AMT: variants seen among roughly 807,000 people sequenced by gnomAD.
The protein encoded by AMT is aminomethyltransferase, mitochondrial.
A neutral mutation model predicts 39.5 loss-of-function variants in AMT; 24 were observed. The ratio of observed to expected loss-of-function variants is 0.61; its 90% CI spans 0.44 to 0.86. The LOEUF (loss-of-function observed/expected upper bound fraction) is 0.86, where lower values mean the gene tolerates loss of function less well. AMT is among the 40% of genes least tolerant of loss of function. The pLI, the probability that AMT is intolerant of heterozygous loss-of-function variation, is 0.00. For synonymous variants in AMT, 210 were observed against 212.1 expected (o/e 0.99, Z 0.09); for missense variants, 501 against 537.0 (o/e 0.93, Z 0.66).
At chr3:49,420,184 G>C in intron 4 of AMT, 27 bp downstream of exon 4, 2 of 1,614,010 alleles carry the variant, frequency 1.2e-6, no homozygotes, top group Non-Finnish European at 1.7e-6. Context: ...AGGAAGACAA[G>C]GTGTCTAGAA....
Position 49,419,784 on chromosome 3 carries a change from T to C in AMT, c.476A>G (p.Lys159Arg), listed in dbSNP as rs1553638556. 1.9e-6 allele frequency: 3 copies of C among 1,613,952 alleles called. No homozygotes were observed. In the Admixed American group the frequency reaches 5.0e-5, roughly 27 times the overall value. ...WEKDLALMQD[K>R]VRELQNQGRD... ...GCCCTGGTTCTGAAGCTCCCTGACC[T>C]TGTCCTAAAAGACAGAAACACAAGA... The change falls in exon 5 of 9, where the codon AAG becomes AGG. Residue 159 changes from lysine to arginine, a missense_variant. Lys to Arg is a conservative substitution (Grantham distance 26). Transcript: ENST00000273588.
At chr3:49,419,182 G>A in intron 6 of AMT, 31 bp from the exon 7 acceptor site, 3 of 1,613,210 alleles carry the variant, frequency 1.9e-6, no homozygotes, top group Non-Finnish European at 2.5e-6. Context: ...CAGATGGGAA[G>A]CTCCCTGTAC....
In AMT at chr3:49,416,862, G is replaced by C. The variant is rs779703869; in HGVS notation, c.*678C>G. On this transcript the variant is annotated 3_prime_UTR_variant, in exon 9 of 9. Coordinates refer to ENST00000273588, the MANE Select transcript of AMT (RefSeq NM_000481.4). The stretch of plus-strand genomic sequence containing the variant: ...TACCAGGGGCAAAGATCAGCCCAGG[G>C]TAAGGCAAGTCTGGGAGGAAGCCCA... The C allele has an allele frequency of 7.7e-4, 352 of 456,436 alleles. No homozygotes were observed. Among genetic ancestry groups the C allele is most frequent in the Non-Finnish European group, 1.2e-3 (283 of 228,514 alleles). 28.3% of individuals were successfully genotyped at this position (456,436 alleles called of 1,614,324 possible). A position where few individuals can be genotyped will look rare whatever the true frequency, so the allele number is the denominator to read the frequency against.
In AMT at chr3:49,418,494, C is replaced by CTTT. The variant is rs3049036; in HGVS notation, c.877+474_877+476dup. 176 of 64,636 alleles carry CTTT rather than the reference C, an allele frequency of 2.7e-3. 24 individuals carry two copies. Among genetic ancestry groups the CTTT allele is most frequent in the South Asian group, 0.011 (20 of 1,826 alleles). The allele number at this position is 64,636 out of a possible 1,614,324, so 4.0% of individuals were successfully genotyped here. A position where few individuals can be genotyped will look rare whatever the true frequency, so the allele number is the denominator to read the frequency against. Reference sequence around the variant, plus strand: ...CCATGCCCGGCAGCATCTTCAGTTTCTTTTTTTTTTTTTTTTTTTTTTTTG... The same window carrying CTTT: ...CCATGCCCGGCAGCATCTTCAGTTTCTTTTTTTTTTTTTTTTTTTTTTTTTTTG... On this transcript the variant is annotated intron_variant, in intron 7 of 8. Coordinates refer to ENST00000273588, the MANE Select transcript of AMT (RefSeq NM_000481.4).
At position 49,420,437 on chromosome 3, in the gene AMT, G is replaced by T. The variant is rs1459576015; in HGVS notation, c.340-95C>A. The stretch of plus-strand genomic sequence containing the variant: ...CCCTGGACCCACTTAGTTACCAAAA[G>T]GTTATGAACCCTAATGTGAAGGACT... On this transcript the variant is annotated intron_variant, in intron 3 of 8. Coordinates refer to ENST00000273588, the MANE Select transcript of AMT (RefSeq NM_000481.4). 7 of 1,584,982 alleles carry T rather than the reference G, an allele frequency of 4.4e-6. No homozygotes were observed. The East Asian group carries it at 1.6e-4, about 35-fold the overall frequency.
intron 4 of AMT, 126 bp downstream of exon 4, chr3:49,420,085 T>A (rs2049073388): frequency 7.8e-7 from 1 of 1,281,038 alleles, no homozygotes; most frequent in Non-Finnish European, 1.1e-6. Flanking sequence ...TTGAGTCTCA[T>A]AGCTGTTCAT....
chr3:49,418,187 CT>C (rs71080510), intron 7 of AMT: 78,984 of 455,246 alleles, frequency 0.17, no homozygotes, highest in South Asian at 0.25. Flanking sequence ...TCTTCAGTTT[CT>C]TTTTTTTTTT....
chr3:49,417,731 C>T lies in AMT; in HGVS notation c.1034-13G>A. On this transcript the variant is annotated splice_polypyrimidine_tract_variant and intron_variant, in intron 8 of 8. Transcript: ENST00000273588. ...CTAGTCACAGTACCTGTCAAGCAAG[C>T]ATAAGCCACGCATCAGCACCACCCT... The T allele has an allele frequency of 6.2e-7, 1 of 1,613,942 alleles. No homozygotes were observed. Among genetic ancestry groups the T allele is most frequent in the South Asian group, 1.1e-5 (1 of 91,086 alleles).
intron 3 of AMT, 109 bp from the exon 4 acceptor site, chr3:49,420,451 A>C: frequency 6.5e-7 from 1 of 1,526,796 alleles, no homozygotes. Context: ...ATGAACCCTA[A>C]TGTGAAGGAC....
chr3:49,417,702 G>A lies in AMT; in HGVS notation c.1050C>T (p.Gly350=). 1 of 1,613,994 alleles carries A rather than the reference G, an allele frequency of 6.2e-7. No individual in the cohort carries two copies. Among genetic ancestry groups the A allele is most frequent in the African/African-American group, 1.3e-5 (1 of 75,032 alleles). ...EGTKIGTVTS[G]CPSPSLKKNV... ...TCTTCTTCAGAGAGGGGGAGGGGCA[G>A]CCACTAGTCACAGTACCTGTCAAGC... The change falls in exon 9 of 9, where the codon GGC becomes GGT. Residue 350 remains glycine, a synonymous_variant. Coordinates refer to ENST00000273588, the MANE Select transcript of AMT (RefSeq NM_000481.4).
At position 49,416,788 on chromosome 3, in the gene AMT, G is replaced by A. The variant is rs1222340464; in HGVS notation, c.*752C>T. 4.4e-6 allele frequency: 2 copies of A among 450,602 alleles called. No individual in the cohort carries two copies. Among genetic ancestry groups the A allele is most frequent in the Non-Finnish European group, 4.5e-6 (1 of 223,964 alleles). 27.9% of individuals were successfully genotyped at this position (450,602 alleles called of 1,614,324 possible). Reference sequence around the variant, plus strand: ...AATGAAGCTAGAGACTGGCAAGTAAGAAGGAAGTTTAATTTTTTTTTCAGG... The same window carrying A: ...AATGAAGCTAGAGACTGGCAAGTAAAAAGGAAGTTTAATTTTTTTTTCAGG... On this transcript the variant is annotated 3_prime_UTR_variant, in exon 9 of 9. Coordinates refer to ENST00000273588, the MANE Select transcript of AMT (RefSeq NM_000481.4).
chr3:49,420,047 C>G (rs933282352), intron 4 of AMT, 164 bp downstream of exon 4: 4 of 993,948 alleles, frequency 4.0e-6, no homozygotes, highest in Non-Finnish European at 6.1e-6. Flanking sequence ...ACCACCAAAC[C>G]CTGGCGTGCT....
intron 3 of AMT, chr3:49,420,814 G>A (rs995025711): frequency 6.4e-5 from 14 of 219,608 alleles, no homozygotes; most frequent in Non-Finnish European, 1.2e-4. Context: ...AGGTTGAGGG[G>A]GTCACATGAA....
chr3:49,418,435 C>G (rs1300138029), intron 7 of AMT: 1 of 216,708 alleles, frequency 4.6e-6, no homozygotes, highest in Non-Finnish European at 9.3e-6. Context: ...CCCACCTTGG[C>G]CTCCCAAAGT....
chr3:49,417,786 CAA>C (rs762527539), intron 8 of AMT, 30 bp downstream of exon 8: 1 of 1,614,032 alleles, frequency 6.2e-7, no homozygotes. Context: ...TGGGAAGAGA[CAA>C]GGGTTTCCCA....
intron 7 of AMT, 38 bp downstream of exon 7, chr3:49,418,933 C>T: frequency 6.2e-7 from 1 of 1,609,908 alleles, no homozygotes; most frequent in Non-Finnish European, 8.5e-7. Context: ...GTCACCCTGA[C>T]CTCCAGGACC....
At chr3:49,421,613 A>G (rs759507394) in intron 2 of AMT, 41 bp from the exon 3 acceptor site, 8 of 1,568,826 alleles carry the variant, frequency 5.1e-6, no homozygotes, top group Non-Finnish European at 4.4e-6. Flanking sequence ...TGCAACAGCT[A>G]CAATCCAAAA....
intron 2 of AMT, 175 bp downstream of exon 2, chr3:49,421,929 C>T: frequency 1.1e-6 from 1 of 888,192 alleles, no homozygotes; most frequent in Non-Finnish European, 1.8e-6. Context: ...ATGATGAGAC[C>T]CTCTGAGCTC....
Position 49,419,250 on chromosome 3 carries a change from C to A in AMT, c.696+10G>T, listed in dbSNP as rs750787542. On this transcript the variant is annotated intron_variant, in intron 6 of 8. Coordinates refer to ENST00000273588, the MANE Select transcript of AMT (RefSeq NM_000481.4). ...GCCCTGTACTGCCCCCACACCACTT[C>A]TTGACACACCTCCACACCATCCTCT... 11 of 1,614,170 alleles carry A rather than the reference C, an allele frequency of 6.8e-6. No individual in the cohort carries two copies. In the South Asian group the frequency reaches 8.8e-5, roughly 13 times the overall value.
Sources: gnomAD v4.1 joint callset for allele counts on GRCh38, gnomAD v4.1.1 for gene constraint, MANE v1.5 for transcripts, NCBI Gene and HGNC (gene_info 2026-07-23, HGNC 2026-07-21) for gene names.